Variants in METTL14 observed in about 807,000 individuals in gnomAD.
METTL14 encodes the protein N(6)-adenosine-methyltransferase non-catalytic subunit METTL14.
In METTL14, 32 loss-of-function variants were observed where a neutral mutation model predicts 62.4. The observed-to-expected ratio is 0.51, with a 90% CI of 0.39 to 0.69. The LOEUF (loss-of-function observed/expected upper bound fraction) is 0.69, where lower values mean the gene tolerates loss of function less well. Ranked by LOEUF, METTL14 falls within the 30% of genes least tolerant of loss-of-function variation. The probability of loss-of-function intolerance (pLI) is 0.00; values close to 1 mark genes in which losing one functional copy is unlikely to be tolerated. For synonymous variants in METTL14, 150 were observed against 180.0 expected (o/e 0.83, Z 1.34); for missense variants, 340 against 551.9 (o/e 0.62, Z 3.85).
At chr4:118,699,132 ACTG>A (rs1357022691) in intron 7 of METTL14, among the ~76,000 whole-genome samples, 1 of 152,174 alleles carries the variant, frequency 6.6e-6, no homozygotes, top group Non-Finnish European at 1.5e-5. Context: ...AAGGACTGAA[ACTG>A]GAAGACGTGT....
chr4:118,693,489 A>G (rs1329673023), intron 5 of METTL14, among the ~76,000 whole-genome samples: 2 of 152,148 alleles, frequency 1.3e-5, no homozygotes, highest in Non-Finnish European at 2.9e-5. Flanking sequence ...TCTTGATAGT[A>G]TATTTTGTAG....
At position 118,710,554 on chromosome 4, in the gene METTL14, T is replaced by G. The variant is rs563727152; in HGVS notation, c.*252T>G. 8 of 368,366 alleles carry G rather than the reference T, an allele frequency of 2.2e-5. No homozygotes were observed. The highest frequency in any genetic ancestry group is 3.4e-5 in the Non-Finnish European group (7 of 205,650). 22.8% of individuals were successfully genotyped at this position (368,366 alleles called of 1,614,324 possible). A position where few individuals can be genotyped will look rare whatever the true frequency, so the allele number is the denominator to read the frequency against. On this transcript the variant is annotated 3_prime_UTR_variant, in exon 11 of 11. Transcript: ENST00000388822. ...ATGGAACAACTCAAGTAGCTTCATC[T>G]TCAGAGACTGAATTTATTCTGATAG...
At chr4:118,708,613 T>C (rs1349303124) in intron 10 of METTL14, among the ~76,000 whole-genome samples, 2 of 152,206 alleles carry the variant, frequency 1.3e-5, no homozygotes, top group East Asian at 3.8e-4. Flanking sequence ...TAAAAAACAA[T>C]GAACTAAGTA....
Position 118,711,903 on chromosome 4 carries a change from C to A in METTL14, c.*1601C>A, listed in dbSNP as rs1404352681. On this transcript the variant is annotated 3_prime_UTR_variant, in exon 11 of 11. Transcript: ENST00000388822. ...GTCCTATACACAGGGCTCTCTATTA[C>A]GTTCCATACCCTGGGCCTACCCAAG... is the stretch of plus-strand genomic sequence containing the variant. The A allele has an allele frequency of 6.6e-6, 1 of 152,122 alleles. No homozygotes were observed. The highest frequency in any genetic ancestry group is 1.5e-5 in the Non-Finnish European group (1 of 68,034). 9.4% of individuals were successfully genotyped at this position (152,122 alleles called of 1,614,324 possible). A position where few individuals can be genotyped will look rare whatever the true frequency, so the allele number is the denominator to read the frequency against.
chr4:118,696,408 T>C (rs1724414780), intron 6 of METTL14, among the ~76,000 whole-genome samples: 1 of 151,878 alleles, frequency 6.6e-6, no homozygotes, highest in Admixed American at 6.6e-5. Context: ...ATGCCTGGCC[T>C]AAAATACACC....
intron 8 of METTL14, among the ~76,000 whole-genome samples, chr4:118,703,507 G>A (rs1486430758): frequency 1.3e-5 from 2 of 152,186 alleles, no homozygotes; most frequent in African/African-American, 4.8e-5. Context: ...TTTGAAGTTA[G>A]CGTTTAGAAA....
rs960066272 is a variant in METTL14, at chr4:118,685,437, C to T, written c.-98C>T. The T allele has an allele frequency of 1.6e-6, 2 of 1,218,028 alleles. No individual in the cohort carries two copies. Among genetic ancestry groups the T allele is most frequent in the African/African-American group, 1.5e-5 (1 of 67,426 alleles). The allele number at this position is 1,218,028 out of a possible 1,614,324, so 75.5% of individuals were successfully genotyped here. A position where few individuals can be genotyped will look rare whatever the true frequency, so the allele number is the denominator to read the frequency against. ...TATGAGGATACTCTGTTCGTAAGCT[C>T]CCGGTGAATTTTGTTCCACAGACTC... On this transcript the variant is annotated 5_prime_UTR_variant, in exon 1 of 11. Coordinates refer to ENST00000388822, the MANE Select transcript of METTL14 (RefSeq NM_020961.4).
At chr4:118,691,713 T>G (rs1361765226) in intron 4 of METTL14, 101 bp downstream of exon 4, 4 of 622,904 alleles carry the variant, frequency 6.4e-6, no homozygotes, top group Admixed American at 3.7e-5. Flanking sequence ...TTTTTAATTA[T>G]TGAGGGATCA....
intron 9 of METTL14, among the ~76,000 whole-genome samples, 154 bp from the exon 10 acceptor site, chr4:118,705,457 G>A (rs916980359): frequency 2.0e-5 from 3 of 152,180 alleles, no homozygotes; most frequent in African/African-American, 7.2e-5. Context: ...CTGGGTGACA[G>A]AGCGAGACCC....
chr4:118,706,924 C>T (rs1724772587), intron 10 of METTL14, among the ~76,000 whole-genome samples: 1 of 151,876 alleles, frequency 6.6e-6, no homozygotes, highest in East Asian at 1.9e-4. Flanking sequence ...TTTTATTTGG[C>T]TGTTTGTTTT....
rs1724936562 is a variant in METTL14, at chr4:118,712,002, GGTAT to G, written c.*1702_*1705del. The G allele has an allele frequency of 6.6e-6, 1 of 152,124 alleles. No homozygotes were observed. Among genetic ancestry groups the G allele is most frequent in the Non-Finnish European group, 1.5e-5 (1 of 68,026 alleles). The allele number at this position is 152,124 out of a possible 1,614,324, so 9.4% of individuals were successfully genotyped here. A position where few individuals can be genotyped will look rare whatever the true frequency, so the allele number is the denominator to read the frequency against. On this transcript the variant is annotated 3_prime_UTR_variant, in exon 11 of 11. Transcript: ENST00000388822. The stretch of plus-strand genomic sequence containing the variant: ...CACAATTTCATCTTAGAAAGAGGTA[GGTAT>G]GGCTGCTTTGTCGGTTGAAAGTTAA...
intron 2 of METTL14, 28 bp from the exon 3 acceptor site, chr4:118,689,342 A>T (rs772028764): frequency 5.7e-6 from 7 of 1,237,360 alleles, no homozygotes; most frequent in Non-Finnish European, 8.1e-6. Flanking sequence ...GTATATATTT[A>T]TGGGTAATAT....
At chr4:118,709,886 A>T in intron 10 of METTL14, 112 bp from the exon 11 acceptor site, 1 of 1,025,932 alleles carries the variant, frequency 9.7e-7, no homozygotes, top group African/African-American at 1.6e-5. Flanking sequence ...TCAGTATTGG[A>T]TGAATGATGG....
intron 8 of METTL14, among the ~76,000 whole-genome samples, chr4:118,702,250 G>A (rs1724616902): frequency 6.6e-6 from 1 of 151,508 alleles, no homozygotes; most frequent in Non-Finnish European, 1.5e-5. Context: ...CTCCTGAGTA[G>A]CCATCCAGGA....
chr4:118,688,830 C>A (rs989739535), intron 2 of METTL14, among the ~76,000 whole-genome samples: 1 of 151,810 alleles, frequency 6.6e-6, no homozygotes, highest in Non-Finnish European at 1.5e-5. Flanking sequence ...CGCGCCACCA[C>A]CCCCAGCTAA....
chr4:118,705,584 A>G, intron 9 of METTL14, 27 bp from the exon 10 acceptor site: 1 of 1,576,960 alleles, frequency 6.3e-7, no homozygotes, highest in Non-Finnish European at 8.7e-7. Context: ...ATGAAAACAG[A>G]TTAATTGGTC....
intron 5 of METTL14, among the ~76,000 whole-genome samples, chr4:118,692,697 A>G (rs1266606772): frequency 7.4e-6 from 1 of 135,836 alleles, no homozygotes; most frequent in Non-Finnish European, 1.7e-5. Context: ...ATACTGTACA[A>G]TTCACTCAAA....
chr4:118,710,297 C>G lies in METTL14; in HGVS notation c.1366C>G (p.Arg456Gly). ...GGAHRGGFPPR is the reference protein window; with the variant it reads ...GGAHRGGFPPG The stretch of plus-strand genomic sequence containing the variant: ...AGCACACAGAGGTGGCTTTCCACCT[C>G]GATAATTGTTGAAGACATTGAACCT... Residue 456 changes from arginine (R) to glycine (G), a missense_variant, in exon 11 of 11, where the codon CGA becomes GGA. This residue lies in a region of METTL14 where 44 missense variants were observed against 56.4 expected (regional missense o/e 0.78). Coordinates refer to ENST00000388822, the MANE Select transcript of METTL14 (RefSeq NM_020961.4). 6.2e-7 allele frequency: 1 copy of G among 1,609,876 alleles called. No individual in the cohort carries two copies. Among genetic ancestry groups the G allele is most frequent in the Non-Finnish European group, 8.5e-7 (1 of 1,178,430 alleles).
rs577252898 is a variant in METTL14 at position 118,713,492 on chromosome 4, C to T, written c.*3190C>T. 10 of 152,106 alleles carry T rather than the reference C, an allele frequency of 6.6e-5. No individual in the cohort carries two copies. The highest frequency in any genetic ancestry group is 1.3e-4 in the Non-Finnish European group (9 of 68,030). The allele number at this position is 152,106 out of a possible 1,614,324, so 9.4% of individuals were successfully genotyped here. A position where few individuals can be genotyped will look rare whatever the true frequency, so the allele number is the denominator to read the frequency against. ...CTTTGAAGTATAGTTTCAGACTTTA[C>T]TAATTTGTTTAATATAATCCTTATT... On this transcript the variant is annotated 3_prime_UTR_variant, in exon 11 of 11. Coordinates refer to ENST00000388822, the MANE Select transcript of METTL14 (RefSeq NM_020961.4).
Sources: allele counts gnomAD v4.1 joint callset (sites outside exome capture counted in the v4.1 genomes callset), GRCh38; gene constraint gnomAD v4.1.1; regional missense constraint gnomAD v4.1.1; transcripts MANE v1.5; gene names NCBI Gene and HGNC (gene_info 2026-07-23, HGNC 2026-07-21).